Variants in MAGI1 observed in about 807,000 individuals in gnomAD.
MAGI1 encodes membrane associated guanylate kinase, WW and PDZ domain containing 1, also known as membrane-associated guanylate kinase, WW and PDZ domain-containing protein 1.
A neutral mutation model predicts 139.9 loss-of-function variants in MAGI1; 58 were observed. The observed-to-expected ratio is 0.41, with a 90% CI of 0.34 to 0.52. MAGI1 has a LOEUF of 0.52. Among genes scored for constraint, MAGI1 ranks in the 20% least tolerant of loss-of-function variants. The probability of loss-of-function intolerance (pLI) is 0.12; values close to 1 mark genes in which losing one functional copy is unlikely to be tolerated. For missense variants in MAGI1, 1,874 were observed against 1,901.6 expected (o/e 0.99, Z 0.27); for synonymous variants, 812 against 737.9 (o/e 1.10, Z -1.63).
intron 1 of MAGI1, among the ~76,000 whole-genome samples, chr3:65,780,318 C>A (rs977245913): frequency 6.6e-6 from 1 of 152,164 alleles, no homozygotes; most frequent in African/African-American, 2.4e-5. Context: ...CACATCACGC[C>A]CAGCCTATGC....
intron 12 of MAGI1, among the ~76,000 whole-genome samples, chr3:65,425,322 A>G (rs2107308883): frequency 6.6e-6 from 1 of 152,180 alleles, no homozygotes. Flanking sequence ...CATTTTTTTC[A>G]GAAGTCTAAC....
intron 1 of MAGI1, chr3:66,009,315 G>C (rs6786018): frequency 0.16 from 24,435 of 151,962 alleles, 2,765 homozygotes; most frequent in African/African-American, 0.31. Flanking sequence ...CTCGAGATAA[G>C]CCTGGCCAAT....
At chr3:65,890,232 G>A (rs1164223823) in intron 1 of MAGI1, among the ~76,000 whole-genome samples, 2 of 152,158 alleles carry the variant, frequency 1.3e-5, no homozygotes, top group East Asian at 1.9e-4. Context: ...GGGCGTGGTG[G>A]CGGGCGCCTG....
At chr3:65,448,250 A>G in intron 6 of MAGI1, 193 bp from the exon 7 acceptor site, 1 of 608,600 alleles carries the variant, frequency 1.6e-6, no homozygotes, top group South Asian at 2.0e-5. Context: ...ACAAAACGGG[A>G]AGAGCTGATA....
chr3:65,636,701 CAT>C (rs2084639875), intron 1 of MAGI1, among the ~76,000 whole-genome samples: 1 of 139,094 alleles, frequency 7.2e-6, no homozygotes, highest in African/African-American at 2.9e-5. Flanking sequence ...AGGGAAAACA[CAT>C]ACACACACAC....
intron 1 of MAGI1, among the ~76,000 whole-genome samples, chr3:65,796,455 T>A (rs577563872): frequency 5.3e-5 from 8 of 152,258 alleles, no homozygotes; most frequent in African/African-American, 1.9e-4. Context: ...AAATTAACCA[T>A]TACAGCTGCT....
intron 1 of MAGI1, among the ~76,000 whole-genome samples, chr3:65,818,468 T>C (rs961792167): frequency 4.6e-5 from 7 of 151,920 alleles, no homozygotes; most frequent in African/African-American, 1.5e-4. Context: ...AACCCAGACG[T>C]GGGAGAAAGG....
chr3:65,966,918 TA>T lies in MAGI1; in HGVS notation c.313+71077del, dbSNP rs1203374116. 5.9e-5 allele frequency among the ~76,000 whole-genome samples: 9 copies of T among 152,358 alleles called. 1 individual carries two copies. The East Asian group carries it at 1.7e-3, about 29-fold the overall frequency. On this transcript the variant is annotated intron_variant, in intron 1 of 22. Coordinates refer to ENST00000402939, the MANE Select transcript of MAGI1 (RefSeq NM_001033057.2). ...TCTCTTTCATATACCAAATGGTTAA[TA>T]GACAGTAACCGTTGTTTTAAGTGTC...
intron 1 of MAGI1, among the ~76,000 whole-genome samples, chr3:65,701,257 T>C (rs1247319124): frequency 3.3e-5 from 5 of 152,204 alleles, no homozygotes; most frequent in African/African-American, 9.6e-5. Flanking sequence ...TGATTCCAAG[T>C]AGCTTTTTTC....
At chr3:65,673,737 G>A (rs1333914983) in intron 1 of MAGI1, among the ~76,000 whole-genome samples, 1 of 152,148 alleles carries the variant, frequency 6.6e-6, no homozygotes, top group Non-Finnish European at 1.5e-5. Context: ...GGTGAGCCCT[G>A]CGTGCACATT....
chr3:65,888,681 C>T (rs1404205524), intron 1 of MAGI1, among the ~76,000 whole-genome samples: 1 of 151,836 alleles, frequency 6.6e-6, no homozygotes, highest in East Asian at 1.9e-4. Flanking sequence ...TTTTTAAACA[C>T]TCAAAAATGA....
chr3:65,573,135 A>G (rs1480344964), intron 2 of MAGI1, among the ~76,000 whole-genome samples: 1 of 152,202 alleles, frequency 6.6e-6, no homozygotes, highest in African/African-American at 2.4e-5. Flanking sequence ...AACTATAAAC[A>G]TATAGATACA....
chr3:65,902,900 T>G (rs112257148), intron 1 of MAGI1: 1 of 152,288 alleles, frequency 6.6e-6, no homozygotes, highest in Non-Finnish European at 1.5e-5. Flanking sequence ...AGGAATAGAA[T>G]GAAAGGGTCA....
chr3:65,780,960 C>T (rs904283553), intron 1 of MAGI1, among the ~76,000 whole-genome samples: 1 of 152,188 alleles, frequency 6.6e-6, no homozygotes, highest in African/African-American at 2.4e-5. Context: ...TGGCTCACGC[C>T]TATAATCCTA....
At chr3:65,675,217 G>A (rs1365327033) in intron 1 of MAGI1, among the ~76,000 whole-genome samples, 9 of 152,160 alleles carry the variant, frequency 5.9e-5, no homozygotes, top group Non-Finnish European at 1.3e-4. Context: ...TGATGGAAGG[G>A]TGGATGAAAA....
chr3:65,955,032 T>A (rs1289947495), intron 1 of MAGI1, among the ~76,000 whole-genome samples: 1 of 152,194 alleles, frequency 6.6e-6, no homozygotes, highest in Non-Finnish European at 1.5e-5. Context: ...TACCTGTTTG[T>A]GAAATCAGAG....
At chr3:65,466,073 C>CT (rs758785804) in intron 5 of MAGI1, among the ~76,000 whole-genome samples, 2 of 152,094 alleles carry the variant, frequency 1.3e-5, no homozygotes, top group Non-Finnish European at 2.9e-5. Context: ...AAATTTTCTA[C>CT]TTTTTTTAAA....
At chr3:65,616,403 A>AAG (rs1349364352) in intron 2 of MAGI1, among the ~76,000 whole-genome samples, 3 of 152,210 alleles carry the variant, frequency 2.0e-5, no homozygotes, top group African/African-American at 7.2e-5. Flanking sequence ...TTAAATAGAA[A>AAG]AGAGATAGAG....
intron 1 of MAGI1, among the ~76,000 whole-genome samples, chr3:66,013,410 A>AG: frequency 6.8e-6 from 1 of 148,058 alleles, no homozygotes; most frequent in East Asian, 2.0e-4. Flanking sequence ...CTCAAATAAA[A>AG]AAAAAAAAAG....
Sources: allele counts gnomAD v4.1 joint callset (sites outside exome capture counted in the v4.1 genomes callset), GRCh38; gene constraint gnomAD v4.1.1; transcripts MANE v1.5; gene names NCBI Gene and HGNC (gene_info 2026-07-23, HGNC 2026-07-21).